Variants in TMEM132C observed in about 807,000 individuals in gnomAD.
TMEM132C encodes the protein protein phosphatase 1, regulatory subunit 152.
In TMEM132C, 29 loss-of-function variants were observed where a neutral mutation model predicts 61.4. The ratio of observed to expected loss-of-function variants is 0.47; its 90% CI spans 0.35 to 0.64. TMEM132C has a LOEUF of 0.64. Ranked by LOEUF, TMEM132C falls within the 30% of genes least tolerant of loss-of-function variation. The pLI, the probability that TMEM132C is intolerant of heterozygous loss-of-function variation, is 0.00. For synonymous variants in TMEM132C, 656 were observed against 633.1 expected (o/e 1.04, Z -0.54); for missense variants, 1,408 against 1,476.9 (o/e 0.95, Z 0.76).
chr12:128,304,381 G>A (rs1186159253), intron 1 of TMEM132C, among the ~76,000 whole-genome samples: 2 of 95,120 alleles, frequency 2.1e-5, no homozygotes, highest in African/African-American at 7.1e-5. Flanking sequence ...TTTTGGGTGG[G>A]TAGATCATTT....
At chr12:128,402,636 G>T (rs200837482) in intron 1 of TMEM132C, among the ~76,000 whole-genome samples, 15,758 of 152,162 alleles carry the variant, frequency 0.1, 1,001 homozygotes, top group East Asian at 0.16. Flanking sequence ...GACGGACCTC[G>T]GTTCCAAGCC....
At chr12:128,562,241 G>A (rs1052862762) in intron 3 of TMEM132C, among the ~76,000 whole-genome samples, 11 of 152,134 alleles carry the variant, frequency 7.2e-5, no homozygotes, top group African/African-American at 2.2e-4. Flanking sequence ...AGGAGAAAAC[G>A]TAGCAACACC....
chr12:128,311,222 C>G (rs1871953284), intron 1 of TMEM132C, among the ~76,000 whole-genome samples: 1 of 152,220 alleles, frequency 6.6e-6, no homozygotes, highest in Non-Finnish European at 1.5e-5. Context: ...CTGACAGTCT[C>G]CAACACTCTG....
intron 2 of TMEM132C, among the ~76,000 whole-genome samples, chr12:128,529,080 A>G (rs1873191701): frequency 6.6e-6 from 1 of 152,086 alleles, no homozygotes; most frequent in South Asian, 2.1e-4. Flanking sequence ...CCTGTATAAC[A>G]CTCACTTATA....
chr12:128,616,900 G>A (rs1002352614), intron 4 of TMEM132C, among the ~76,000 whole-genome samples: 5 of 152,210 alleles, frequency 3.3e-5, no homozygotes, highest in African/African-American at 7.2e-5. Flanking sequence ...AGTGTACACT[G>A]ATGAGAACGT....
rs1435126472 is a variant in TMEM132C at position 128,524,805 on chromosome 12, C to T, written c.975-19152C>T. On this transcript the variant is annotated intron_variant, in intron 2 of 8. Transcript: ENST00000435159. ...AGTTCTCTGTAAAGATGTGGACGGA[C>T]TTAGGGTATAAATGCCAGCCGTCCA... Among the ~76,000 whole-genome samples, 4 of 152,190 alleles carry T rather than the reference C, an allele frequency of 2.6e-5. No individual in the cohort carries two copies. The East Asian group carries it at 5.8e-4, about 22-fold the overall frequency.
In TMEM132C at chr12:128,403,654, A is replaced by G. The variant is rs371984170; in HGVS notation, c.86-11078A>G. 1.1e-4 allele frequency among the ~76,000 whole-genome samples: 16 copies of G among 152,288 alleles called. 1 individual carries two copies. In the South Asian group the frequency reaches 2.5e-3, roughly 24 times the overall value. On this transcript the variant is annotated intron_variant, in intron 1 of 8. Coordinates refer to ENST00000435159, the MANE Select transcript of TMEM132C (RefSeq NM_001136103.3). ...AGTGAGGCGGTCTTATGTGATTCCC[A>G]TCATCGACATGAGAATTCTGAGGCT...
intron 1 of TMEM132C, among the ~76,000 whole-genome samples, chr12:128,394,566 C>A (rs1874877614): frequency 2.0e-5 from 3 of 152,222 alleles, no homozygotes; most frequent in Admixed American, 2.0e-4. Flanking sequence ...AAAGTCCTTT[C>A]CTTCAGCCCA....
At chr12:128,402,636 G>C (rs200837482) in intron 1 of TMEM132C, among the ~76,000 whole-genome samples, 1 of 152,200 alleles carries the variant, frequency 6.6e-6, no homozygotes, top group African/African-American at 2.4e-5. Flanking sequence ...GACGGACCTC[G>C]GTTCCAAGCC....
chr12:128,315,624 C>G (rs1170374955), intron 1 of TMEM132C, among the ~76,000 whole-genome samples: 1 of 152,112 alleles, frequency 6.6e-6, no homozygotes, highest in East Asian at 1.9e-4. Context: ...TCTCAGTGCA[C>G]TGGATTGAAT....
chr12:128,413,167 T>C (rs540911994), intron 1 of TMEM132C, among the ~76,000 whole-genome samples: 3 of 151,892 alleles, frequency 2.0e-5, no homozygotes, highest in African/African-American at 7.2e-5. Context: ...GGCATGGTGG[T>C]GGGCACCTGT....
At chr12:128,448,780 C>G (rs993245821) in intron 2 of TMEM132C, among the ~76,000 whole-genome samples, 3 of 152,222 alleles carry the variant, frequency 2.0e-5, no homozygotes, top group Middle Eastern at 3.4e-3. Context: ...TTATACTCTT[C>G]GTTTCTTATT....
intron 1 of TMEM132C, among the ~76,000 whole-genome samples, chr12:128,397,594 C>T (rs1875007039): frequency 6.6e-6 from 1 of 152,042 alleles, no homozygotes; most frequent in Non-Finnish European, 1.5e-5. Flanking sequence ...CAAGTTGGTC[C>T]CCATGGAGGT....
chr12:128,269,703 A>T (rs1870446847), intron 1 of TMEM132C, among the ~76,000 whole-genome samples: 1 of 152,010 alleles, frequency 6.6e-6, no homozygotes, highest in Non-Finnish European at 1.5e-5. Flanking sequence ...TTTGTTTCTC[A>T]TGATCAAAAG....
intron 5 of TMEM132C, among the ~76,000 whole-genome samples, chr12:128,692,568 G>T (rs1383921833): frequency 1.3e-5 from 2 of 152,056 alleles, no homozygotes; most frequent in Non-Finnish European, 1.5e-5. Flanking sequence ...AATTTCCAGG[G>T]GATTTAACTA....
intron 1 of TMEM132C, among the ~76,000 whole-genome samples, chr12:128,329,712 T>C (rs1315928867): frequency 1.3e-5 from 2 of 152,126 alleles, no homozygotes; most frequent in African/African-American, 4.8e-5. Context: ...GTCAGCTTTG[T>C]TGGGGGCGGA....
rs182819294 is a variant in TMEM132C at position 128,673,576 on chromosome 12, T to G, written c.1449+4016T>G. Among the ~76,000 whole-genome samples, 48 of 134,586 alleles carry G rather than the reference T, an allele frequency of 3.6e-4. No individual in the cohort carries two copies. The East Asian group carries it at 0.01, about 29-fold the overall frequency. The allele number at this position is 134,586 out of a possible 152,430, so 88.3% of individuals were successfully genotyped here. A position where few individuals can be genotyped will look rare whatever the true frequency, so the allele number is the denominator to read the frequency against. On this transcript the variant is annotated intron_variant, in intron 5 of 8. Transcript: ENST00000435159. ...GAAGGCACTGTCTGTCTTCCAAGAC[T>G]GTTCACTATATAAAACACTTTGAAA...
intron 1 of TMEM132C, among the ~76,000 whole-genome samples, chr12:128,277,454 A>T (rs1870730853): frequency 6.6e-6 from 1 of 152,212 alleles, no homozygotes; most frequent in African/African-American, 2.4e-5. Flanking sequence ...CGGTTGTAGA[A>T]AAAGTTGCAG....
intron 4 of TMEM132C, among the ~76,000 whole-genome samples, chr12:128,635,684 A>T (rs1418526067): frequency 6.6e-6 from 1 of 152,098 alleles, no homozygotes; most frequent in East Asian, 1.9e-4. Context: ...TGAAGTTGTA[A>T]CCTCTCAGGG....
Sources: gnomAD v4.1 joint callset for allele counts (sites outside exome capture counted in the v4.1 genomes callset) on GRCh38, gnomAD v4.1.1 for gene constraint, MANE v1.5 for transcripts, NCBI Gene and HGNC (gene_info 2026-07-23, HGNC 2026-07-21) for gene names.